Variants in FAR2 observed in about 807,000 individuals in gnomAD.
The protein encoded by FAR2 is fatty acyl-CoA reductase 2.
A neutral mutation model predicts 56.0 loss-of-function variants in FAR2; 19 were observed. That is an observed-to-expected ratio of 0.34 (90% CI 0.24 to 0.50). The LOEUF (loss-of-function observed/expected upper bound fraction) is 0.50, where lower values mean the gene tolerates loss of function less well. FAR2 is among the 20% of genes least tolerant of loss of function. The pLI is 0.98. For synonymous variants in FAR2, 219 were observed against 218.8 expected (o/e 1.00, Z -0.01); for missense variants, 508 against 642.2 (o/e 0.79, Z 2.26).
chr12:29,183,654 C>T (rs1417785790), intron 1 of FAR2, among the ~76,000 whole-genome samples: 6 of 152,208 alleles, frequency 3.9e-5, no homozygotes, highest in Non-Finnish European at 8.8e-5. Flanking sequence ...CTACAGTTAA[C>T]AGCAATCAAA....
intron 1 of FAR2, among the ~76,000 whole-genome samples, chr12:29,184,466 G>A (rs780698551): frequency 4.6e-5 from 5 of 109,462 alleles, no homozygotes; most frequent in Admixed American, 1.4e-4. Context: ...ATGGAGTCTC[G>A]CCCTGTCGCC....
intron 1 of FAR2, among the ~76,000 whole-genome samples, chr12:29,159,605 T>C (rs928417996): frequency 6.6e-6 from 1 of 152,106 alleles, no homozygotes; most frequent in Non-Finnish European, 1.5e-5. Context: ...TGAAAATTCT[T>C]CCCCAGAAAA....
chr12:29,303,899 C>T (rs1949215483), intron 4 of FAR2, among the ~76,000 whole-genome samples: 1 of 152,186 alleles, frequency 6.6e-6, no homozygotes, highest in Admixed American at 6.5e-5. Context: ...GAGTAATTTT[C>T]AAATGGCAGG....
rs548314508 is a variant in FAR2 at position 29,181,226 on chromosome 12, A to G, written c.-39+31819A>G. Among the ~76,000 whole-genome samples the G allele has an allele frequency of 1.9e-3, 290 of 152,282 alleles. 3 individuals are homozygous for G. The highest frequency in any genetic ancestry group is 6.7e-3 in the African/African-American group (279 of 41,550). ...GTTCACCCGTAGAATTACACACTAA[A>G]GGTTGAATGTTTTTTCTTTTTTAAT... On this transcript the variant is annotated intron_variant, in intron 1 of 11. Transcript: ENST00000536681.
chr12:29,236,888 A>G (rs1050428214), intron 1 of FAR2, among the ~76,000 whole-genome samples: 2 of 152,278 alleles, frequency 1.3e-5, no homozygotes, highest in African/African-American at 2.4e-5. Context: ...ACTAAAGTGA[A>G]GCTGTGTTGT....
intron 10 of FAR2, among the ~76,000 whole-genome samples, chr12:29,322,990 G>C: frequency 6.6e-6 from 1 of 152,232 alleles, no homozygotes; most frequent in East Asian, 1.9e-4. Context: ...CGGTACCTCA[G>C]TTGGAAATGC....
At chr12:29,321,066 C>A (rs1032272894) in intron 9 of FAR2, among the ~76,000 whole-genome samples, 1 of 151,476 alleles carries the variant, frequency 6.6e-6, no homozygotes, top group Admixed American at 6.6e-5. Flanking sequence ...GTGCCTAACA[C>A]AGAATAGGTT....
At chr12:29,174,423 C>CTTTTTTTTTTT (rs55827253) in intron 1 of FAR2, among the ~76,000 whole-genome samples, 4 of 55,434 alleles carry the variant, frequency 7.2e-5, no homozygotes, top group African/African-American at 2.5e-4. Context: ...GGTTTTTATT[C>CTTTTTTTTTTT]TTTTTTTTTT....
chr12:29,326,174 C>T (rs530847475), intron 10 of FAR2, among the ~76,000 whole-genome samples: 1 of 151,642 alleles, frequency 6.6e-6, no homozygotes, highest in African/African-American at 2.4e-5. Flanking sequence ...AATTCCTCGA[C>T]ACATACACCC....
In FAR2 at chr12:29,270,386, C is replaced by A. The variant is rs985555626; in HGVS notation, c.-38-26C>A. ...ATATGAGAACTTCTGAAGATGTAATCTTTTGTTATTTCTCTTCCTTTTCAG... is the reference window on the plus strand; with the variant it reads ...ATATGAGAACTTCTGAAGATGTAATATTTTGTTATTTCTCTTCCTTTTCAG... On this transcript the variant is annotated intron_variant, in intron 1 of 11. Transcript: ENST00000536681. 18 of 1,440,060 alleles carry A rather than the reference C, an allele frequency of 1.2e-5. No homozygotes were observed. In the African/African-American group the frequency reaches 1.6e-4, roughly 13 times the overall value. 89.2% of individuals were successfully genotyped at this position (1,440,060 alleles called of 1,614,324 possible).
chr12:29,229,708 G>C (rs553072540), intron 1 of FAR2, among the ~76,000 whole-genome samples: 1 of 152,276 alleles, frequency 6.6e-6, no homozygotes, highest in South Asian at 2.1e-4. Flanking sequence ...TTAAAGTCCA[G>C]TAAGAGAATA....
At chr12:29,211,592 T>C (rs933282673) in intron 1 of FAR2, among the ~76,000 whole-genome samples, 3 of 152,094 alleles carry the variant, frequency 2.0e-5, no homozygotes, top group African/African-American at 7.2e-5. Context: ...AGTTGTGCCA[T>C]CATAAGCGAG....
intron 1 of FAR2, among the ~76,000 whole-genome samples, chr12:29,176,100 G>A (rs1949935637): frequency 6.6e-6 from 1 of 152,074 alleles, no homozygotes; most frequent in African/African-American, 2.4e-5. Flanking sequence ...ATTTTCAAAA[G>A]CACTAAACAT....
chr12:29,263,430 A>C (rs1437605363), intron 1 of FAR2, among the ~76,000 whole-genome samples: 3 of 152,152 alleles, frequency 2.0e-5, no homozygotes, highest in Non-Finnish European at 4.4e-5. Flanking sequence ...ATTTTAAAAA[A>C]TGGAAATAAT....
At chr12:29,168,827 C>G (rs1480122562) in intron 1 of FAR2, among the ~76,000 whole-genome samples, 1 of 152,164 alleles carries the variant, frequency 6.6e-6, no homozygotes, top group Non-Finnish European at 1.5e-5. Context: ...GAAGGGGACC[C>G]AAGTGGGTTG....
chr12:29,259,037 G>A (rs1446070740), intron 1 of FAR2, among the ~76,000 whole-genome samples: 1 of 152,204 alleles, frequency 6.6e-6, no homozygotes, highest in Non-Finnish European at 1.5e-5. Flanking sequence ...TTGGTAGGAG[G>A]TCATGTTTGT....
At chr12:29,273,187 G>T (rs1591916266) in intron 2 of FAR2, among the ~76,000 whole-genome samples, 1 of 152,090 alleles carries the variant, frequency 6.6e-6, no homozygotes, top group Admixed American at 6.5e-5. Context: ...TGTTTCACTG[G>T]GGGGAAACCC....
At chr12:29,267,446 G>A (rs949902047) in intron 1 of FAR2, among the ~76,000 whole-genome samples, 3 of 152,144 alleles carry the variant, frequency 2.0e-5, no homozygotes, top group Non-Finnish European at 4.4e-5. Flanking sequence ...AGAGAGATTA[G>A]TAATTTCCTG....
Position 29,321,835 on chromosome 12 carries a change from A to T in FAR2, c.1168A>T (p.Met390Leu). 6.2e-7 allele frequency: 1 copy of T among 1,613,856 alleles called. No homozygotes were observed. Among genetic ancestry groups the T allele is most frequent in the South Asian group, 1.1e-5 (1 of 91,078 alleles). Residue 390 changes from methionine (M) to leucine (L), a missense_variant, in exon 10 of 12, where the codon ATG becomes TTG. Transcript: ENST00000536681. ...GAATCGGCTTTTAAGAACTGTTTCC[A>T]TGTTGGAGTATTTCATCAACCGGAG... ...LMNRLLRTVS[M>L]LEYFINRSWE...
Sources: allele counts gnomAD v4.1 joint callset (sites outside exome capture counted in the v4.1 genomes callset), GRCh38; gene constraint gnomAD v4.1.1; transcripts MANE v1.5; gene names NCBI Gene and HGNC (gene_info 2026-07-23, HGNC 2026-07-21).